HMGB1: variants seen among roughly 807,000 people sequenced by gnomAD.
HMGB1 encodes high mobility group protein B1.
For synonymous variants in HMGB1, 81 were observed against 84.0 expected (o/e 0.96, Z 0.19); for missense variants, 79 against 253.5 (o/e 0.31, Z 4.67).
intron 1 of HMGB1, among the ~76,000 whole-genome samples, chr13:30,519,459 G>A (rs1476474876): frequency 6.6e-6 from 1 of 151,476 alleles, no homozygotes; most frequent in Non-Finnish European, 1.5e-5. Flanking sequence ...ACTTTGGGAG[G>A]CCAAGGTGGG....
At chr13:30,605,595 T>G (rs1950449912) in intron 1 of HMGB1, among the ~76,000 whole-genome samples, 1 of 152,192 alleles carries the variant, frequency 6.6e-6, no homozygotes, top group Non-Finnish European at 1.5e-5. Context: ...ATGAGAGTTT[T>G]GGTGGGAAGA....
At chr13:30,593,787 G>A (rs1311106344) in intron 1 of HMGB1, among the ~76,000 whole-genome samples, 1 of 152,042 alleles carries the variant, frequency 6.6e-6, no homozygotes, top group Non-Finnish European at 1.5e-5. Context: ...TCCAAAATGT[G>A]GAACATTCCA....
chr13:30,571,878 T>C (rs1230366607), intron 1 of HMGB1, among the ~76,000 whole-genome samples: 1 of 152,216 alleles, frequency 6.6e-6, no homozygotes, highest in Non-Finnish European at 1.5e-5. Context: ...GAGTTTCGTA[T>C]ATATATTAAA....
intron 1 of HMGB1, among the ~76,000 whole-genome samples, chr13:30,578,368 C>CTTTTTT (rs60947686): frequency 0.031 from 1,819 of 59,334 alleles, 44 homozygotes; most frequent in Middle Eastern, 0.068. Context: ...AGTTCTTGTT[C>CTTTTTT]TTTTTTTTTT....
At chr13:30,562,954 A>G (rs1870024311) in intron 1 of HMGB1, among the ~76,000 whole-genome samples, 1 of 152,240 alleles carries the variant, frequency 6.6e-6, no homozygotes, top group African/African-American at 2.4e-5. Context: ...AAGTAGACCA[A>G]GTGTTAATGG....
chr13:30,480,953 ATGGATTTTTG>A (rs1887212875), intron 1 of HMGB1, among the ~76,000 whole-genome samples: 1 of 151,748 alleles, frequency 6.6e-6, no homozygotes, highest in Non-Finnish European at 1.5e-5. Context: ...AAGCAGAAGA[ATGGATTTTTG>A]TGAGACTCTC....
chr13:30,557,935 C>A (rs551574720), intron 1 of HMGB1, among the ~76,000 whole-genome samples: 2 of 152,162 alleles, frequency 1.3e-5, no homozygotes, highest in African/African-American at 4.8e-5. Context: ...AACAGTTATG[C>A]CAGTGTCCCT....
intron 1 of HMGB1, among the ~76,000 whole-genome samples, chr13:30,523,282 T>C (rs1001358892): frequency 1.3e-5 from 2 of 152,202 alleles, no homozygotes; most frequent in African/African-American, 2.4e-5. Flanking sequence ...TTTTTGTGCA[T>C]AAAAATCAAT....
chr13:30,554,140 TCTA>T (rs1243141192), intron 1 of HMGB1: 3 of 1,274,472 alleles, frequency 2.4e-6, no homozygotes, highest in Non-Finnish European at 3.4e-6. Flanking sequence ...ACACAGTACA[TCTA>T]CTACGATTAG....
upstream of HMGB1, among the ~76,000 whole-genome samples, chr13:30,470,793 C>T (rs914236953): frequency 1.3e-5 from 2 of 151,962 alleles, no homozygotes; most frequent in Non-Finnish European, 2.9e-5. Flanking sequence ...GGATCACAGG[C>T]GTGTGCCACC....
chr13:30,527,845 T>C (rs1888403174), intron 1 of HMGB1, among the ~76,000 whole-genome samples: 2 of 152,178 alleles, frequency 1.3e-5, no homozygotes, highest in Non-Finnish European at 1.5e-5. Context: ...AGTCAAACTC[T>C]GAAAGATGTG....
chr13:30,594,253 AC>A (rs1379317791), intron 1 of HMGB1, among the ~76,000 whole-genome samples: 10 of 152,188 alleles, frequency 6.6e-5, no homozygotes, highest in Non-Finnish European at 1.5e-5. Context: ...CCGGGGATAC[AC>A]GTGCAGTTAT....
chr13:30,579,237 T>G (rs1162870402), intron 1 of HMGB1, among the ~76,000 whole-genome samples: 1 of 152,210 alleles, frequency 6.6e-6, no homozygotes. Context: ...AAATATATAC[T>G]GAAGACAGAA....
chr13:30,580,307 T>C (rs1018283067), intron 1 of HMGB1, among the ~76,000 whole-genome samples: 1 of 152,204 alleles, frequency 6.6e-6, no homozygotes, highest in Non-Finnish European at 1.5e-5. Context: ...TCACTTCTTT[T>C]CTCCTAAATC....
intron 1 of HMGB1, among the ~76,000 whole-genome samples, chr13:30,494,393 C>G (rs1887565288): frequency 6.6e-6 from 1 of 151,888 alleles, no homozygotes; most frequent in South Asian, 2.1e-4. Context: ...TGGAGTTTCG[C>G]TCTTGTTGCC....
exon 1 of HMGB1, chr13:30,617,056 A>G (rs552775784): frequency 3.9e-5 from 6 of 152,344 alleles, no homozygotes; most frequent in African/African-American, 1.4e-4. Flanking sequence ...CCTTCCTACG[A>G]AAGCAAAGGC....
chr13:30,603,314 C>T (rs987782247), intron 1 of HMGB1, among the ~76,000 whole-genome samples: 1 of 152,250 alleles, frequency 6.6e-6, no homozygotes, highest in Admixed American at 6.5e-5. Flanking sequence ...TCTCTAACTA[C>T]CTGACGGCAG....
intron 1 of HMGB1, among the ~76,000 whole-genome samples, chr13:30,497,614 C>T (rs562639001): frequency 1.3e-4 from 20 of 152,192 alleles, no homozygotes; most frequent in Admixed American, 1.1e-3. Flanking sequence ...TCAGCCTCCA[C>T]CCTCAAGTAG....
chr13:30,583,694 C>A (rs908057595), intron 1 of HMGB1, among the ~76,000 whole-genome samples: 1 of 151,630 alleles, frequency 6.6e-6, no homozygotes, highest in South Asian at 2.1e-4. Flanking sequence ...CAAAAATTAG[C>A]TGGGCATGGT....
Sources: gnomAD v4.1 joint callset for allele counts (sites outside exome capture counted in the v4.1 genomes callset) on GRCh38, gnomAD v4.1.1 for gene constraint, MANE v1.5 for transcripts, NCBI Gene and HGNC (gene_info 2026-07-23, HGNC 2026-07-21) for gene names.